The following CNOT4 variants were observed in gnomAD, a reference collection of about 807,000 sequenced individuals.
CNOT4 encodes the protein CCR4-associated factor 4.
CNOT4 carries 8 observed loss-of-function variants against 73.8 expected under a neutral mutation model. The ratio of observed to expected loss-of-function variants is 0.11; its 90% CI spans 0.06 to 0.20. The LOEUF (loss-of-function observed/expected upper bound fraction) is 0.20, where lower values mean the gene tolerates loss of function less well. Ranked by LOEUF, CNOT4 falls within the 10% of genes least tolerant of loss-of-function variation. The probability of loss-of-function intolerance (pLI) is 1.00; values close to 1 mark genes in which losing one functional copy is unlikely to be tolerated. For synonymous variants in CNOT4, 293 were observed against 321.1 expected (o/e 0.91, Z 0.94); for missense variants, 564 against 883.4 (o/e 0.64, Z 4.58).
intron 1 of CNOT4, chr7:135,444,369 T>A: frequency 1.5e-6 from 1 of 681,778 alleles, no homozygotes; most frequent in Non-Finnish European, 2.7e-6. Context: ...GTAATCCAAG[T>A]GTCCATCAAT....
chr7:135,428,829 C>T (rs1014437769), intron 2 of CNOT4, among the ~76,000 whole-genome samples: 9 of 152,034 alleles, frequency 5.9e-5, no homozygotes, highest in African/African-American at 2.2e-4. Flanking sequence ...ATTCACCAGC[C>T]CACAGATTTA....
intron 1 of CNOT4, among the ~76,000 whole-genome samples, chr7:135,496,637 T>G (rs1326658361): frequency 6.6e-6 from 1 of 151,746 alleles, no homozygotes; most frequent in Non-Finnish European, 1.5e-5. Context: ...TATTCCTCTC[T>G]CTCTCTCTCT....
chr7:135,506,150 T>C (rs1804355000), intron 1 of CNOT4, among the ~76,000 whole-genome samples: 1 of 152,226 alleles, frequency 6.6e-6, no homozygotes, highest in African/African-American at 2.4e-5. Context: ...TTTCCTAATA[T>C]CTTTGAGGTA....
At chr7:135,432,949 A>G (rs767961592) in intron 2 of CNOT4, among the ~76,000 whole-genome samples, 1 of 152,108 alleles carries the variant, frequency 6.6e-6, no homozygotes, top group Non-Finnish European at 1.5e-5. Flanking sequence ...AGCTTGTAGA[A>G]CTTCTTTGTC....
At chr7:135,403,152 G>A (rs1797092501) in intron 7 of CNOT4, among the ~76,000 whole-genome samples, 1 of 152,030 alleles carries the variant, frequency 6.6e-6, no homozygotes, top group Non-Finnish European at 1.5e-5. Context: ...CAACATAACA[G>A]ACATTTCCAA....
intron 2 of CNOT4, among the ~76,000 whole-genome samples, chr7:135,423,541 G>A (rs1187627267): frequency 6.6e-6 from 1 of 151,356 alleles, no homozygotes; most frequent in African/African-American, 2.4e-5. Context: ...AAGAAAGTGA[G>A]ATTTCACCTT....
At chr7:135,498,794 G>C (rs891295222) in intron 1 of CNOT4, among the ~76,000 whole-genome samples, 1 of 152,084 alleles carries the variant, frequency 6.6e-6, no homozygotes, top group African/African-American at 2.4e-5. Flanking sequence ...TGATCCACCT[G>C]CCTCGGCCTC....
At chr7:135,502,016 C>T (rs533490917) in intron 1 of CNOT4, among the ~76,000 whole-genome samples, 2 of 152,214 alleles carry the variant, frequency 1.3e-5, no homozygotes, top group East Asian at 1.9e-4. Flanking sequence ...CAAGTTCTGC[C>T]CTCTCTGTTC....
At chr7:135,392,696 C>T (rs571345560) in intron 10 of CNOT4, among the ~76,000 whole-genome samples, 6 of 152,224 alleles carry the variant, frequency 3.9e-5, no homozygotes, top group African/African-American at 1.2e-4. Context: ...AACTACATTA[C>T]GTGCTACCAG....
chr7:135,484,138 T>C (rs1380598552), intron 1 of CNOT4, among the ~76,000 whole-genome samples: 1 of 152,150 alleles, frequency 6.6e-6, no homozygotes, highest in Non-Finnish European at 1.5e-5. Context: ...AAGGTAGCAG[T>C]GGGCCGAGAT....
Position 135,445,334 on chromosome 7 carries a change from TGAATAAAA to T in CNOT4, c.-92-6919_-92-6912del, listed in dbSNP as rs1329250743. Reference sequence around the variant, plus strand: ...GACAAAGGGAAATACTCTTAATTCATGAATAAAAACTTTGTAGAAAATTAGACAGTGAT... The same window carrying T: ...GACAAAGGGAAATACTCTTAATTCATACTTTGTAGAAAATTAGACAGTGAT... On this transcript the variant is annotated intron_variant, in intron 1 of 11. Coordinates refer to ENST00000541284, the MANE Select transcript of CNOT4 (RefSeq NM_001190850.2). Among the ~76,000 whole-genome samples, 3 of 152,240 alleles carry T rather than the reference TGAATAAAA, an allele frequency of 2.0e-5. No individual in the cohort carries two copies. In the East Asian group the frequency reaches 5.8e-4, roughly 29 times the overall value.
chr7:135,462,228 A>C (rs1800921634), intron 1 of CNOT4, among the ~76,000 whole-genome samples: 1 of 151,872 alleles, frequency 6.6e-6, no homozygotes, highest in African/African-American at 2.4e-5. Context: ...ACTTCAGCAG[A>C]GTGTGGAGTG....
intron 1 of CNOT4, among the ~76,000 whole-genome samples, chr7:135,486,248 C>A (rs1563078154): frequency 6.6e-6 from 1 of 151,926 alleles, no homozygotes; most frequent in African/African-American, 2.4e-5. Context: ...GGACAAAAGA[C>A]ACAAACAGAC....
At chr7:135,451,002 A>C (rs2129485872) in intron 1 of CNOT4, among the ~76,000 whole-genome samples, 1 of 152,290 alleles carries the variant, frequency 6.6e-6, no homozygotes, top group Admixed American at 6.5e-5. Context: ...AAAAAAGAGT[A>C]ACATGAATGG....
At chr7:135,428,936 C>T (rs1326359339) in intron 2 of CNOT4, among the ~76,000 whole-genome samples, 1 of 152,102 alleles carries the variant, frequency 6.6e-6, no homozygotes, top group East Asian at 1.9e-4. Flanking sequence ...TTTTTGACCA[C>T]TGCTCTTGTA....
intron 7 of CNOT4, among the ~76,000 whole-genome samples, chr7:135,409,416 A>G (rs1330464428): frequency 6.6e-6 from 1 of 152,100 alleles, no homozygotes; most frequent in Non-Finnish European, 1.5e-5. Context: ...GGCCTATTTT[A>G]TATTTATTTA....
intron 1 of CNOT4, among the ~76,000 whole-genome samples, chr7:135,441,877 G>A (rs1799498414): frequency 1.3e-5 from 2 of 152,158 alleles, no homozygotes; most frequent in Non-Finnish European, 2.9e-5. Context: ...AAAGGAGAAA[G>A]AAATCCTTTA....
chr7:135,395,908 A>G, intron 8 of CNOT4, 25 bp from the exon 9 acceptor site: 1 of 1,518,582 alleles, frequency 6.6e-7, no homozygotes, highest in Non-Finnish European at 9.1e-7. Flanking sequence ...AAAACAAATA[A>G]TAACTACATG....
intron 1 of CNOT4, among the ~76,000 whole-genome samples, chr7:135,491,870 T>G (rs1019042065): frequency 1.3e-5 from 2 of 152,144 alleles, no homozygotes; most frequent in African/African-American, 2.4e-5. Flanking sequence ...ATAAAGAACC[T>G]TGGAGAGTGG....
Sources: gnomAD v4.1 joint callset for allele counts (sites outside exome capture counted in the v4.1 genomes callset) on GRCh38, gnomAD v4.1.1 for gene constraint, MANE v1.5 for transcripts, NCBI Gene and HGNC (gene_info 2026-07-23, HGNC 2026-07-21) for gene names.